Variants in LSM12 observed in about 807,000 individuals in gnomAD.
The protein encoded by LSM12 is LSM12 homolog, also known as protein LSM12.
For missense variants in LSM12, 108 were observed against 238.9 expected (o/e 0.45, Z 3.61); for synonymous variants, 74 against 87.3 (o/e 0.85, Z 0.85).
upstream of LSM12, among the ~76,000 whole-genome samples, chr17:44,066,986 G>A (rs1163474779): frequency 1.3e-5 from 2 of 152,208 alleles, no homozygotes; most frequent in African/African-American, 2.4e-5. Context: ...AGCCTCAGAG[G>A]ACTTAACGAT....
intron 1 of LSM12, among the ~76,000 whole-genome samples, chr17:44,064,362 G>C (rs1189614793): frequency 4.6e-5 from 7 of 152,146 alleles, no homozygotes; most frequent in Admixed American, 3.9e-4. Context: ...AGGTGACCCA[G>C]CCAGTTAATC....
intron 2 of LSM12, among the ~76,000 whole-genome samples, chr17:44,040,527 A>AAGTG (rs766257818): frequency 2.0e-4 from 30 of 152,194 alleles, no homozygotes; most frequent in Admixed American, 5.9e-4. Flanking sequence ...ATATAGCCTG[A>AAGTG]AGTGGGTGGG....
At chr17:44,066,356 G>T in intron 1 of LSM12, 108 bp downstream of exon 1, 2 of 1,379,758 alleles carry the variant, frequency 1.4e-6, no homozygotes, top group Non-Finnish European at 1.9e-6. Flanking sequence ...GCGGTAGCCG[G>T]TCGCCCCTAG....
rs1597883630 is a variant in LSM12 at position 44,041,274 on chromosome 17, A to T, written c.259-1018T>A. On this transcript the variant is annotated intron_variant, in intron 2 of 4. Coordinates refer to ENST00000293406, the MANE Select transcript of LSM12 (RefSeq NM_001371445.1). The stretch of plus-strand genomic sequence containing the variant: ...CAAAGAAGTGAGACTCTGTCTCTTT[A>T]AAAAAAAAAAAAACAAACACACACA... 3.1e-4 allele frequency among the ~76,000 whole-genome samples: 3 copies of T among 9,696 alleles called. No homozygotes were observed. In the South Asian group the frequency reaches 0.036, roughly 115 times the overall value. 6.4% of individuals were successfully genotyped at this position (9,696 alleles called of 152,430 possible).
At chr17:44,045,715 A>C (rs1388638254) in intron 2 of LSM12, among the ~76,000 whole-genome samples, 1 of 151,826 alleles carries the variant, frequency 6.6e-6, no homozygotes, top group Non-Finnish European at 1.5e-5. Flanking sequence ...GGACCACAGA[A>C]GCACACCACC....
At chr17:44,043,847 G>T (rs80002069) in intron 2 of LSM12, among the ~76,000 whole-genome samples, 1 of 151,756 alleles carries the variant, frequency 6.6e-6, no homozygotes, top group East Asian at 1.9e-4. Context: ...AGGAAAGAAG[G>T]AAAAACTGGA....
At chr17:44,045,102 A>C (rs902442693) in intron 2 of LSM12, among the ~76,000 whole-genome samples, 6 of 152,128 alleles carry the variant, frequency 3.9e-5, no homozygotes, top group African/African-American at 1.4e-4. Flanking sequence ...ATCTCAGCTC[A>C]CTGCAACCTC....
rs769276056 is a variant in LSM12 at position 44,040,211 on chromosome 17, C to A, written c.304G>T (p.Ala102Ser). Reference protein sequence around the residue: ...RTEKEEKLSQAYAISAGVSLE... With the variant: ...RTEKEEKLSQSYAISAGVSLE... Reference sequence around the variant, plus strand: ...GAGACACCAGCACTGATTGCATAGGCCTGGCTCAGCTTCTCCTCCTTCTCT... The same window carrying A: ...GAGACACCAGCACTGATTGCATAGGACTGGCTCAGCTTCTCCTCCTTCTCT... Residue 102 changes from alanine (A) to serine (S), a missense_variant, in exon 3 of 5, where the codon GCC becomes TCC. By Grantham distance (99) the Ala-to-Ser change is moderately conservative. Transcript: ENST00000293406. 8 of 1,613,928 alleles carry A rather than the reference C, an allele frequency of 5.0e-6. No individual in the cohort carries two copies. In the African/African-American group the frequency reaches 1.1e-4, roughly 22 times the overall value.
intron 2 of LSM12, among the ~76,000 whole-genome samples, chr17:44,041,123 T>C (rs953917245): frequency 2.3e-4 from 35 of 150,618 alleles, no homozygotes; most frequent in African/African-American, 8.6e-4. Flanking sequence ...TTACAAAAAT[T>C]AGCCGGGCAT....
chr17:44,064,990 G>A (rs931382157), intron 1 of LSM12, among the ~76,000 whole-genome samples: 3 of 151,672 alleles, frequency 2.0e-5, no homozygotes, highest in African/African-American at 7.3e-5. Context: ...AAAATTAGCC[G>A]GGCACGGTGG....
At chr17:44,061,357 A>G (rs899915962) in intron 2 of LSM12, among the ~76,000 whole-genome samples, 1 of 152,002 alleles carries the variant, frequency 6.6e-6, no homozygotes, top group Non-Finnish European at 1.5e-5. Context: ...AAATTATTTA[A>G]CAAGTCTTAA....
intron 2 of LSM12, among the ~76,000 whole-genome samples, chr17:44,044,198 GA>G (rs1567956815): frequency 6.6e-6 from 1 of 151,696 alleles, no homozygotes; most frequent in African/African-American, 2.4e-5. Context: ...GAGAAGGGGA[GA>G]AAAAAAAGCT....
intron 2 of LSM12, among the ~76,000 whole-genome samples, chr17:44,043,994 T>A (rs1202819315): frequency 6.6e-6 from 1 of 152,146 alleles, no homozygotes; most frequent in Non-Finnish European, 1.5e-5. Context: ...CTCCGAATGC[T>A]GGGTCAGAGA....
chr17:44,048,036 C>T (rs896820065), intron 2 of LSM12, among the ~76,000 whole-genome samples: 2 of 151,214 alleles, frequency 1.3e-5, no homozygotes, highest in African/African-American at 2.4e-5. Context: ...CACACACACA[C>T]ACACACACAC....
chr17:44,038,422 G>C (rs1212556251), intron 3 of LSM12, among the ~76,000 whole-genome samples: 1 of 151,904 alleles, frequency 6.6e-6, no homozygotes, highest in African/African-American at 2.4e-5. Context: ...CACTTTGGAG[G>C]CCGAAGTGGG....
rs974566285 is a variant in LSM12 at position 44,038,525 on chromosome 17, C to T, written c.369-987G>A. On this transcript the variant is annotated intron_variant, in intron 3 of 4. Transcript: ENST00000293406. ...CAAAAATTAGCTGGGCGTGGGACTG[C>T]GCGCCTGTAGTCCCAGTTACTCAGG... 4.6e-5 allele frequency among the ~76,000 whole-genome samples: 7 copies of T among 151,540 alleles called. No individual in the cohort carries two copies. The South Asian group carries it at 6.3e-4, about 14-fold the overall frequency.
At chr17:44,050,261 C>T (rs1206643055) in intron 2 of LSM12, among the ~76,000 whole-genome samples, 4 of 151,050 alleles carry the variant, frequency 2.6e-5, no homozygotes, top group Non-Finnish European at 5.9e-5. Context: ...ACACCATGCC[C>T]GGCTAATTTT....
upstream of LSM12, among the ~76,000 whole-genome samples, chr17:44,067,197 G>A (rs921258997): frequency 6.6e-6 from 1 of 152,216 alleles, no homozygotes; most frequent in Admixed American, 6.5e-5. Flanking sequence ...CTACTAGGGG[G>A]ACTGAGGCTG....
chr17:44,045,738 G>A (rs2144082305), intron 2 of LSM12, among the ~76,000 whole-genome samples: 1 of 151,072 alleles, frequency 6.6e-6, no homozygotes, highest in South Asian at 2.1e-4. Flanking sequence ...GCCCAGCTAA[G>A]GTGTTGTATT....
Sources: allele counts gnomAD v4.1 joint callset (sites outside exome capture counted in the v4.1 genomes callset), GRCh38; gene constraint gnomAD v4.1.1; transcripts MANE v1.5; gene names NCBI Gene and HGNC (gene_info 2026-07-23, HGNC 2026-07-21).